The following GLIS1 variants were observed in gnomAD, a reference collection of about 807,000 sequenced individuals.
The protein encoded by GLIS1 is GLIS family zinc finger 1.
GLIS1 carries 24 observed loss-of-function variants against 63.8 expected under a neutral mutation model. That is an observed-to-expected ratio of 0.38 (90% CI 0.27 to 0.53). The LOEUF is 0.53. GLIS1 is among the 20% of genes least tolerant of loss of function. GLIS1 has a pLI of 0.85. For missense variants in GLIS1, 1,036 were observed against 1,074.1 expected, an observed-to-expected ratio of 0.96 and a Z score of 0.50; for synonymous variants, 450 against 482.5, an observed-to-expected ratio of 0.93 and a Z score of 0.88.
At chr1:53,708,143 C>T (rs1021354133) in intron 2 of GLIS1, among the ~76,000 whole-genome samples, 4 of 151,844 alleles carry the variant, frequency 2.6e-5, no homozygotes, top group Non-Finnish European at 5.9e-5. Context: ...ATTAGCTGGG[C>T]GTGGTGGGGG....
intron 10 of GLIS1, among the ~76,000 whole-genome samples, chr1:53,507,758 G>A (rs1247357980): frequency 6.6e-6 from 1 of 152,226 alleles, no homozygotes; most frequent in Non-Finnish European, 1.5e-5. Context: ...CCCCTGGCCG[G>A]TGTAGGGCCG....
intron 4 of GLIS1, among the ~76,000 whole-genome samples, chr1:53,555,528 T>TC (rs1644810488): frequency 6.6e-6 from 1 of 152,064 alleles, no homozygotes; most frequent in Non-Finnish European, 1.5e-5. Flanking sequence ...AGACTCTGTC[T>TC]CAAAAAAACA....
chr1:53,580,386 C>T (rs759025022), intron 4 of GLIS1, among the ~76,000 whole-genome samples: 12 of 152,248 alleles, frequency 7.9e-5, no homozygotes, highest in Admixed American at 3.3e-4. Flanking sequence ...ACCTTGAGCT[C>T]CTAGTGCTGA....
At chr1:53,528,989 C>T (rs976842823) in intron 5 of GLIS1, among the ~76,000 whole-genome samples, 5 of 152,194 alleles carry the variant, frequency 3.3e-5, no homozygotes, top group Admixed American at 6.5e-5. Flanking sequence ...GCTCTGCCAC[C>T]GTCCAGCTGT....
rs748199048 is a variant in GLIS1 at position 53,509,994 on chromosome 1, G to A, written c.1917C>T (p.Ser639=). The A allele has an allele frequency of 5.4e-6, 7 of 1,284,754 alleles. No homozygotes were observed. Among genetic ancestry groups the A allele is most frequent in the Non-Finnish European group, 6.9e-6 (7 of 1,007,958 alleles). The allele number at this position is 1,284,754 out of a possible 1,614,324, so 79.6% of individuals were successfully genotyped here. A position where few individuals can be genotyped will look rare whatever the true frequency, so the allele number is the denominator to read the frequency against. The stretch of plus-strand genomic sequence containing the variant: ...GCGGTGGCCCCAGCCCCTTCAGGGG[G>A]CTGACTATTGGTGAGAGGAGGCCGG... ...LGPGLLSPIV[S]PLKGLGPPPL... Residue 639 remains serine, a synonymous_variant, in exon 9 of 11, where the codon AGC becomes AGT. Transcript: ENST00000628545.
At chr1:53,524,637 G>A (rs1156878087) in intron 6 of GLIS1, 140 bp downstream of exon 6, 33 of 653,168 alleles carry the variant, frequency 5.1e-5, no homozygotes, top group South Asian at 1.6e-4. Flanking sequence ...ACGGACGGAC[G>A]AACGGACGAA....
At position 53,677,343 on chromosome 1, in the gene GLIS1, G is replaced by A. The variant is rs191501455; in HGVS notation, c.259+60463C>T. Among the ~76,000 whole-genome samples the A allele has an allele frequency of 4.6e-5, 7 of 152,332 alleles. No homozygotes were observed. In the East Asian group the frequency reaches 9.7e-4, roughly 21 times the overall value. On this transcript the variant is annotated intron_variant, in intron 2 of 10. Transcript: ENST00000628545. ...GAGAAGATGTAGGCACAAAGCTGCCGAGTGGCTGGCCAAGGCGGTACAGGC... is the reference window on the plus strand; with the variant it reads ...GAGAAGATGTAGGCACAAAGCTGCCAAGTGGCTGGCCAAGGCGGTACAGGC...
intron 2 of GLIS1, among the ~76,000 whole-genome samples, chr1:53,663,339 C>G (rs1399210394): frequency 1.4e-4 from 21 of 152,242 alleles, no homozygotes; most frequent in Non-Finnish European, 1.5e-5. Flanking sequence ...TGAACCAAAC[C>G]CATATCAGAG....
At chr1:53,606,790 G>A (rs1033390927) in intron 2 of GLIS1, among the ~76,000 whole-genome samples, 2 of 152,236 alleles carry the variant, frequency 1.3e-5, no homozygotes, top group African/African-American at 4.8e-5. Context: ...TGACGCTCGC[G>A]GCCTCACGCC....
chr1:53,525,767 C>T lies in GLIS1; in HGVS notation c.1483-880G>A, dbSNP rs557451925. Among the ~76,000 whole-genome samples the T allele has an allele frequency of 4.6e-5, 7 of 152,116 alleles. No homozygotes were observed. In the South Asian group the frequency reaches 1.2e-3, roughly 27 times the overall value. The stretch of plus-strand genomic sequence containing the variant: ...CCGGCACCGCAGGCCCTACACCTCC[C>T]ACCACGAGCACCTCCTCAGCTCTCC... On this transcript the variant is annotated intron_variant, in intron 5 of 10. Transcript: ENST00000628545.
At chr1:53,690,947 G>C (rs1396722263) in intron 2 of GLIS1, among the ~76,000 whole-genome samples, 3 of 152,184 alleles carry the variant, frequency 2.0e-5, no homozygotes, top group African/African-American at 7.2e-5. Flanking sequence ...GGCAACTGAA[G>C]CACAGGTAAT....
chr1:53,697,543 G>C (rs1646478395), intron 2 of GLIS1, among the ~76,000 whole-genome samples: 1 of 152,114 alleles, frequency 6.6e-6, no homozygotes, highest in Non-Finnish European at 1.5e-5. Context: ...TTCAGGATGT[G>C]ATCCACCCCC....
intron 2 of GLIS1, among the ~76,000 whole-genome samples, chr1:53,627,941 C>T (rs545866655): frequency 6.6e-6 from 1 of 152,338 alleles, no homozygotes; most frequent in African/African-American, 2.4e-5. Flanking sequence ...GGCTATGTGG[C>T]CTGTGTCTCT....
intron 4 of GLIS1, among the ~76,000 whole-genome samples, chr1:53,590,688 T>G (rs534521100): frequency 6.6e-6 from 1 of 152,298 alleles, no homozygotes; most frequent in East Asian, 1.9e-4. Context: ...GCACCACATT[T>G]AATAAGGCTG....
At position 53,514,651 on chromosome 1, in the gene GLIS1, C is replaced by A. The variant is rs1644331537; in HGVS notation, c.1857G>T (p.Leu619=). The A allele has an allele frequency of 6.2e-7, 1 of 1,613,394 alleles. No individual in the cohort carries two copies. The highest frequency in any genetic ancestry group is 2.2e-5 in the East Asian group (1 of 44,790). ...CATCCCGGGTGCTCTCAGCCATGGG[C>A]AGAGGGGACAGATGGTGGTGGGAAC... is the stretch of plus-strand genomic sequence containing the variant. ...TTSSHHHLSP[L]PMAESTRDGL... The change falls in exon 8 of 11, where the codon CTG becomes CTT. Residue 619 remains leucine, a synonymous_variant. Transcript: ENST00000628545.
Position 53,526,879 on chromosome 1 carries a change from A to G in GLIS1, c.1483-1992T>C, listed in dbSNP as rs928248595. 1.3e-5 allele frequency among the ~76,000 whole-genome samples: 2 copies of G among 152,242 alleles called. No homozygotes were observed. Among genetic ancestry groups the G allele is most frequent in the African/African-American group, 2.4e-5 (1 of 41,468 alleles). Reference sequence around the variant, plus strand: ...GGAAACCCTGTGGCCGTCCCCAGCCAGCAGCCAAGCTCCGCCTGGAATGGC... The same window carrying G: ...GGAAACCCTGTGGCCGTCCCCAGCCGGCAGCCAAGCTCCGCCTGGAATGGC... On this transcript the variant is annotated intron_variant, in intron 5 of 10. Coordinates refer to ENST00000628545, the MANE Select transcript of GLIS1 (RefSeq NM_001367484.1). The surrounding 1 kb of genome is among the most constrained non-coding windows in gnomAD (Gnocchi z 4.4).
At chr1:53,648,763 C>G (rs563965996) in intron 2 of GLIS1, among the ~76,000 whole-genome samples, 1 of 152,106 alleles carries the variant, frequency 6.6e-6, no homozygotes, top group Non-Finnish European at 1.5e-5. Flanking sequence ...CCAGCCATAT[C>G]GAGTTCAAAA....
chr1:53,701,759 G>A lies in GLIS1; in HGVS notation c.259+36047C>T, dbSNP rs11206199. Among the ~76,000 whole-genome samples, 1,209 of 152,202 alleles carry A rather than the reference G, an allele frequency of 7.9e-3. 20 individuals are homozygous for A. Among genetic ancestry groups the A allele is most frequent in the African/African-American group, 0.026 (1,090 of 41,528 alleles). On this transcript the variant is annotated intron_variant, in intron 2 of 10. Transcript: ENST00000628545. ...TGTAATCCCAGCACTTTGGGGGGCC[G>A]AGGCCAGTGGATCACTTTAGGTCCG...
intron 2 of GLIS1, among the ~76,000 whole-genome samples, chr1:53,719,971 T>C (rs1044364066): frequency 2.0e-5 from 3 of 151,676 alleles, no homozygotes; most frequent in Non-Finnish European, 4.4e-5. Context: ...AGGTCAGGAG[T>C]TCGAGACTAG....
Sources: gnomAD v4.1 joint callset for allele counts (sites outside exome capture counted in the v4.1 genomes callset) on GRCh38, gnomAD v4.1.1 for gene constraint, Gnocchi (gnomAD v3.1) non-coding constraint, MANE v1.5 for transcripts, NCBI Gene and HGNC (gene_info 2026-07-23, HGNC 2026-07-21) for gene names.